Variants in NR5A2 observed in about 807,000 individuals in gnomAD.
NR5A2 encodes the protein CYP7A promoter-binding factor.
NR5A2 carries 26 observed loss-of-function variants against 62.7 expected under a neutral mutation model. The ratio of observed to expected loss-of-function variants is 0.41; its 90% CI spans 0.30 to 0.58. The LOEUF is 0.58. NR5A2 is among the 20% of genes least tolerant of loss of function. The pLI is 0.22. For synonymous variants in NR5A2, 246 were observed against 241.7 expected, an observed-to-expected ratio of 1.02 and a Z score of -0.16; for missense variants, 541 against 669.1, an observed-to-expected ratio of 0.81 and a Z score of 2.11.
chr1:200,047,013 T>C (rs956629844), intron 4 of NR5A2, among the ~76,000 whole-genome samples: 2 of 152,174 alleles, frequency 1.3e-5, no homozygotes, highest in Non-Finnish European at 2.9e-5. Context: ...CAATATTCTG[T>C]ATACTTAGAA....
Position 200,039,595 on chromosome 1 carries a change from C to CA in NR5A2, c.65-62dup. 6.2e-7 allele frequency: 1 copy of CA among 1,603,266 alleles called. No individual in the cohort carries two copies. Among genetic ancestry groups the CA allele is most frequent in the Non-Finnish European group, 8.5e-7 (1 of 1,175,272 alleles). On this transcript the variant is annotated intron_variant, in intron 1 of 7. Coordinates refer to ENST00000367362, the MANE Select transcript of NR5A2 (RefSeq NM_205860.3). The surrounding 1 kb of genome is among the most constrained non-coding windows in gnomAD (Gnocchi z 5.1). ...CGGCGAGGCGAGAGGGTTGGGTTAGCAGGCATCCCGGTCGCCCCTTCCTTC... is the reference window on the plus strand; with the variant it reads ...CGGCGAGGCGAGAGGGTTGGGTTAGCAAGGCATCCCGGTCGCCCCTTCCTTC...
intron 5 of NR5A2, among the ~76,000 whole-genome samples, chr1:200,063,125 G>A (rs990216963): frequency 1.3e-5 from 2 of 151,816 alleles, no homozygotes; most frequent in African/African-American, 4.8e-5. Context: ...CCAGGTTCAA[G>A]CAATTCTCCT....
At chr1:200,086,693 A>G (rs1477615279) in intron 5 of NR5A2, among the ~76,000 whole-genome samples, 1 of 152,220 alleles carries the variant, frequency 6.6e-6, no homozygotes, top group Non-Finnish European at 1.5e-5. Flanking sequence ...AGGAGAGTAA[A>G]ATCTCAACAA....
At chr1:200,086,779 C>T (rs1419581685) in intron 5 of NR5A2, among the ~76,000 whole-genome samples, 1 of 152,150 alleles carries the variant, frequency 6.6e-6, no homozygotes, top group African/African-American at 2.4e-5. Context: ...TGGCTCACGC[C>T]TCTAATTCCA....
intron 7 of NR5A2, among the ~76,000 whole-genome samples, chr1:200,127,142 G>T (rs1169586958): frequency 6.6e-6 from 1 of 152,106 alleles, no homozygotes; most frequent in African/African-American, 2.4e-5. Flanking sequence ...TTTAGGTTCA[G>T]ATCCAGGTCT....
intron 7 of NR5A2, among the ~76,000 whole-genome samples, chr1:200,128,196 T>C (rs1666813365): frequency 6.6e-6 from 1 of 152,116 alleles, no homozygotes; most frequent in African/African-American, 2.4e-5. Context: ...ATACAAAACA[T>C]TGGTCCTCCA....
At chr1:200,080,925 G>A (rs1328878177) in intron 5 of NR5A2, among the ~76,000 whole-genome samples, 1 of 152,158 alleles carries the variant, frequency 6.6e-6, no homozygotes, top group Non-Finnish European at 1.5e-5. Flanking sequence ...ATTGGCCCCT[G>A]TTAATAATGA....
At chr1:200,050,397 G>A (rs1278420190) in intron 5 of NR5A2, among the ~76,000 whole-genome samples, 1 of 152,174 alleles carries the variant, frequency 6.6e-6, no homozygotes, top group Non-Finnish European at 1.5e-5. Flanking sequence ...TCATAGGCAG[G>A]TTGTTAGATT....
At chr1:200,031,258 C>T (rs764525344) in intron 1 of NR5A2, among the ~76,000 whole-genome samples, 1 of 152,286 alleles carries the variant, frequency 6.6e-6, no homozygotes, top group Non-Finnish European at 1.5e-5. Context: ...AATCCCAATA[C>T]TTTGGGAGAC....
At chr1:200,104,240 A>G (rs1279852348) in intron 5 of NR5A2, among the ~76,000 whole-genome samples, 7 of 152,190 alleles carry the variant, frequency 4.6e-5, no homozygotes, top group African/African-American at 1.7e-4. Context: ...TATTGCAACA[A>G]TTGACTAGGG....
intron 5 of NR5A2, among the ~76,000 whole-genome samples, chr1:200,095,566 T>G (rs1188267236): frequency 1.3e-5 from 2 of 151,870 alleles, no homozygotes; most frequent in African/African-American, 4.8e-5. Flanking sequence ...ATATATTTTT[T>G]TTTTGAGATG....
intron 7 of NR5A2, among the ~76,000 whole-genome samples, chr1:200,161,507 C>T (rs558708047): frequency 6.6e-6 from 1 of 152,082 alleles, no homozygotes; most frequent in African/African-American, 2.4e-5. Flanking sequence ...GTGTTCTATG[C>T]CCGTGATGTG....
At chr1:200,139,168 A>T (rs560623851) in intron 7 of NR5A2, among the ~76,000 whole-genome samples, 45 of 152,168 alleles carry the variant, frequency 3.0e-4, no homozygotes, top group Non-Finnish European at 5.6e-4. Flanking sequence ...GTTGGTTTTT[A>T]TAATGCAAAC....
chr1:200,154,169 C>G (rs983728216), intron 7 of NR5A2, among the ~76,000 whole-genome samples: 1 of 152,198 alleles, frequency 6.6e-6, no homozygotes, highest in East Asian at 1.9e-4. Flanking sequence ...CTTGCTTCCT[C>G]CAGCTCCTCA....
In NR5A2 at chr1:200,174,262, G is replaced by T. The variant is rs763328155; in HGVS notation, c.*52G>T. 1 of 1,461,910 alleles carries T rather than the reference G, an allele frequency of 6.8e-7. No homozygotes were observed. The highest frequency in any genetic ancestry group is 9.0e-7 in the Non-Finnish European group (1 of 1,105,730). 90.6% of individuals were successfully genotyped at this position (1,461,910 alleles called of 1,614,324 possible). On this transcript the variant is annotated 3_prime_UTR_variant, in exon 8 of 8. Coordinates refer to ENST00000367362, the MANE Select transcript of NR5A2 (RefSeq NM_205860.3). The stretch of plus-strand genomic sequence containing the variant: ...CAAAACAAAAAGAGATTGGGGGAGT[G>T]GGGAGGGGGAAGAAGAACAGGAAGA...
chr1:200,112,815 C>T (rs1234921947), intron 6 of NR5A2, among the ~76,000 whole-genome samples: 2 of 152,128 alleles, frequency 1.3e-5, no homozygotes, highest in Non-Finnish European at 2.9e-5. Flanking sequence ...TTGGGTGTGC[C>T]TCCCACCTTC....
rs781233871 is a variant in NR5A2 at position 200,048,489 on chromosome 1, T to C, written c.781T>C (p.Tyr261His). Residue 261 changes from tyrosine to histidine, a missense_variant, in exon 5 of 8, where the codon TAT becomes CAT. Around this residue, in one of 3 missense-constraint regions of NR5A2, gnomAD observed 379 missense variants for 442.0 expected, o/e 0.86. Coordinates refer to ENST00000367362, the MANE Select transcript of NR5A2 (RefSeq NM_205860.3). The surrounding 1 kb of genome is among the most constrained non-coding windows in gnomAD (Gnocchi z 4.8). ...PHGSLQGYQT[Y>H]GHFPSRAIKS... ...CGGCAGCCTGCAAGGTTACCAAACA[T>C]ATGGCCACTTTCCTAGCCGGGCCAT... The C allele has an allele frequency of 1.2e-6, 2 of 1,614,058 alleles. No homozygotes were observed. The highest frequency in any genetic ancestry group is 1.7e-6 in the Non-Finnish European group (2 of 1,180,028).
At chr1:200,061,266 C>T (rs1039310330) in intron 5 of NR5A2, among the ~76,000 whole-genome samples, 5 of 145,106 alleles carry the variant, frequency 3.4e-5, no homozygotes, top group Middle Eastern at 3.6e-3. Context: ...GCACAACATT[C>T]GGGATTAACT....
chr1:200,152,473 A>G (rs1653177241), intron 7 of NR5A2, among the ~76,000 whole-genome samples: 1 of 152,328 alleles, frequency 6.6e-6, no homozygotes, highest in South Asian at 2.1e-4. Context: ...TTTTATGTTC[A>G]TATAAGAATG....
Sources: gnomAD v4.1 joint callset for allele counts (sites outside exome capture counted in the v4.1 genomes callset) on GRCh38, gnomAD v4.1.1 for gene constraint, gnomAD v4.1.1 regional missense constraint, Gnocchi (gnomAD v3.1) non-coding constraint, MANE v1.5 for transcripts, NCBI Gene and HGNC (gene_info 2026-07-23, HGNC 2026-07-21) for gene names.